Variants in CNTN5 observed in about 807,000 individuals in gnomAD.
CNTN5 encodes the protein contactin 5, also known as contactin-5.
In CNTN5, 77 loss-of-function variants were observed where a neutral mutation model predicts 129.1. The ratio of observed to expected loss-of-function variants is 0.60; its 90% confidence interval spans 0.50 to 0.72. The LOEUF (loss-of-function observed/expected upper bound fraction) is 0.72, where lower values mean the gene tolerates loss of function less well. Among genes scored for constraint, CNTN5 ranks in the 30% least tolerant of loss-of-function variants. The pLI is 0.00. For synonymous variants in CNTN5, 509 were observed against 465.6 expected (o/e 1.09, Z -1.20); for missense variants, 1,478 against 1,328.8 (o/e 1.11, Z -1.75).
At chr11:100,107,071 T>C (rs1244375011) in intron 13 of CNTN5, among the ~76,000 whole-genome samples, 2 of 152,138 alleles carry the variant, frequency 1.3e-5, no homozygotes, top group Non-Finnish European at 2.9e-5. Context: ...ATTTAGTAGA[T>C]TTGGAATATG....
At chr11:99,124,250 G>C (rs907362194) in intron 1 of CNTN5, among the ~76,000 whole-genome samples, 1 of 151,860 alleles carries the variant, frequency 6.6e-6, no homozygotes, top group Non-Finnish European at 1.5e-5. Context: ...TCCTTTTCCT[G>C]GTTAGCTATA....
At chr11:100,248,208 T>G (rs948831487) in intron 16 of CNTN5, among the ~76,000 whole-genome samples, 2 of 152,192 alleles carry the variant, frequency 1.3e-5, no homozygotes, top group Admixed American at 1.3e-4. Flanking sequence ...TTTAATGTTT[T>G]GAATACCAGC....
chr11:99,731,125 T>G (rs1004236653), intron 3 of CNTN5, among the ~76,000 whole-genome samples: 1 of 152,126 alleles, frequency 6.6e-6, no homozygotes, highest in Non-Finnish European at 1.5e-5. Flanking sequence ...TCTTTTTTTT[T>G]TGAGACGGAG....
At chr11:100,191,034 C>T in intron 13 of CNTN5, 92 bp from the exon 14 acceptor site, 3 of 779,604 alleles carry the variant, frequency 3.8e-6, no homozygotes, top group Non-Finnish European at 6.0e-6. Context: ...TTATTATCAC[C>T]CTAGAAATGG....
At chr11:99,392,991 T>C (rs1174017638) in intron 2 of CNTN5, among the ~76,000 whole-genome samples, 1 of 151,854 alleles carries the variant, frequency 6.6e-6, no homozygotes, top group African/African-American at 2.4e-5. Context: ...ATGAGTAAGA[T>C]TGTCTATTGG....
At chr11:99,518,141 A>C (rs1947130979) in intron 2 of CNTN5, among the ~76,000 whole-genome samples, 1 of 152,062 alleles carries the variant, frequency 6.6e-6, no homozygotes, top group African/African-American at 2.4e-5. Flanking sequence ...TGTCTTTTCC[A>C]GGTTTCAAAT....
In CNTN5 at chr11:100,297,261, G is replaced by T. The variant is rs373668282; in HGVS notation, c.2315-364G>T. ...GACCTGTGGATTTTTCAGTGGCTCT[G>T]CAAGCCCCGGGATAACAAAAAAGAG... On this transcript the variant is annotated intron_variant, in intron 18 of 24. Transcript: ENST00000524871. 7.3e-5 allele frequency among the ~76,000 whole-genome samples: 11 copies of T among 151,390 alleles called. No individual in the cohort carries two copies. The East Asian group carries it at 2.1e-3, about 29-fold the overall frequency.
chr11:99,147,507 A>C (rs542493684), intron 1 of CNTN5, among the ~76,000 whole-genome samples: 1 of 152,308 alleles, frequency 6.6e-6, no homozygotes, highest in East Asian at 1.9e-4. Context: ...GTTTTCTAAA[A>C]GAAAGAAGCT....
intron 1 of CNTN5, among the ~76,000 whole-genome samples, chr11:99,128,856 C>G (rs1042951569): frequency 6.6e-6 from 1 of 152,072 alleles, no homozygotes; most frequent in Non-Finnish European, 1.5e-5. Flanking sequence ...CACACTGCAG[C>G]AGACCTGCAG....
chr11:99,512,033 T>G (rs1238061033), intron 2 of CNTN5, among the ~76,000 whole-genome samples: 1 of 152,046 alleles, frequency 6.6e-6, no homozygotes, highest in Non-Finnish European at 1.5e-5. Context: ...TAAATAAATT[T>G]AGTGTAGCCT....
At chr11:99,876,489 C>T (rs542867612) in intron 6 of CNTN5, among the ~76,000 whole-genome samples, 13 of 152,196 alleles carry the variant, frequency 8.5e-5, no homozygotes, top group East Asian at 1.9e-4. Context: ...ATGATCCAGC[C>T]GCACTATATG....
chr11:99,909,099 A>G (rs1358847165), intron 6 of CNTN5, among the ~76,000 whole-genome samples: 2 of 152,106 alleles, frequency 1.3e-5, no homozygotes, highest in Non-Finnish European at 2.9e-5. Context: ...GGATGTTAGT[A>G]TATTTTTTGA....
intron 1 of CNTN5, among the ~76,000 whole-genome samples, chr11:99,219,838 G>C (rs532019475): frequency 2.0e-5 from 3 of 151,982 alleles, no homozygotes; most frequent in African/African-American, 7.2e-5. Context: ...CGAGATGAGA[G>C]ATGATTATAA....
chr11:99,483,792 A>G (rs1178790713), intron 2 of CNTN5, among the ~76,000 whole-genome samples: 3 of 152,206 alleles, frequency 2.0e-5, no homozygotes, highest in Non-Finnish European at 2.9e-5. Flanking sequence ...AAGAGTACCA[A>G]GAACATAAAC....
intron 2 of CNTN5, among the ~76,000 whole-genome samples, chr11:99,401,709 G>A (rs562225178): frequency 5.9e-5 from 9 of 152,078 alleles, no homozygotes; most frequent in South Asian, 2.1e-4. Flanking sequence ...CTTCCAATCC[G>A]TGAACATGAG....
At chr11:99,379,188 T>C (rs1940370426) in intron 2 of CNTN5, among the ~76,000 whole-genome samples, 1 of 150,432 alleles carries the variant, frequency 6.6e-6, no homozygotes, top group Admixed American at 6.6e-5. Context: ...TTCTTTTTTT[T>C]TTTTTACTGT....
intron 13 of CNTN5, among the ~76,000 whole-genome samples, chr11:100,162,489 G>T (rs1440724214): frequency 1.3e-5 from 2 of 151,714 alleles, no homozygotes. Context: ...ATGAATGAAG[G>T]CGTACTGATT....
At chr11:99,766,754 T>C (rs1206357612) in intron 3 of CNTN5, among the ~76,000 whole-genome samples, 1 of 152,110 alleles carries the variant, frequency 6.6e-6, no homozygotes, top group African/African-American at 2.4e-5. Context: ...ATGCTCAAGT[T>C]ATGCCTATTT....
intron 3 of CNTN5, among the ~76,000 whole-genome samples, chr11:99,793,051 T>G (rs767046003): frequency 3.3e-5 from 5 of 151,798 alleles, no homozygotes; most frequent in Non-Finnish European, 7.4e-5. Flanking sequence ...ACTAGCAGTC[T>G]ATCTATCTTA....
Sources: gnomAD v4.1 joint callset for allele counts (sites outside exome capture counted in the v4.1 genomes callset) on GRCh38, gnomAD v4.1.1 for gene constraint, MANE v1.5 for transcripts, NCBI Gene and HGNC (gene_info 2026-07-23, HGNC 2026-07-21) for gene names.